SCAPER: variants seen among roughly 807,000 people sequenced by gnomAD.
The protein encoded by SCAPER is S-phase cyclin A associated protein in the ER.
Under a neutral mutation model 182.2 loss-of-function variants are expected in SCAPER, and 98 were observed. The ratio of observed to expected loss-of-function variants is 0.54; its 90% CI spans 0.46 to 0.64. SCAPER has a LOEUF of 0.64. SCAPER is among the 30% of genes least tolerant of loss of function. The pLI is 0.00. For missense variants in SCAPER, 1,432 were observed against 1,690.0 expected (o/e 0.85, Z 2.68); for synonymous variants, 605 against 564.6 (o/e 1.07, Z -1.01).
Position 76,701,913 on chromosome 15 carries a change from A to G in SCAPER, c.2401-48T>C, listed in dbSNP as rs952382359. The G allele has an allele frequency of 3.0e-6, 4 of 1,347,074 alleles. No individual in the cohort carries two copies. The African/African-American group carries it at 5.7e-5, about 19-fold the overall frequency. 83.4% of individuals were successfully genotyped at this position (1,347,074 alleles called of 1,614,324 possible). A position where few individuals can be genotyped will look rare whatever the true frequency, so the allele number is the denominator to read the frequency against. ...ATGTAATCAATATAACATTATATGA[A>G]TTTTAAACACTACACATTCAGTCCA... On this transcript the variant is annotated intron_variant, in intron 19 of 31. Coordinates refer to ENST00000563290, the MANE Select transcript of SCAPER (RefSeq NM_020843.4).
chr15:76,646,027 T>C (rs902731390), intron 21 of SCAPER, among the ~76,000 whole-genome samples: 3 of 152,172 alleles, frequency 2.0e-5, no homozygotes, highest in African/African-American at 7.2e-5. Context: ...AAATTGACGC[T>C]ATGTCAATTC....
intron 10 of SCAPER, 21 bp from the exon 11 acceptor site, chr15:76,767,109 A>T: frequency 6.5e-7 from 1 of 1,538,600 alleles, no homozygotes; most frequent in Non-Finnish European, 8.7e-7. Flanking sequence ...AAAAACACAT[A>T]AACAAAAAGA....
chr15:76,555,034 G>T (rs2046090281), intron 23 of SCAPER, among the ~76,000 whole-genome samples: 1 of 151,984 alleles, frequency 6.6e-6, no homozygotes, highest in South Asian at 2.1e-4. Context: ...ATCCACCTTG[G>T]CCTCCCAAAG....
chr15:76,679,176 T>C (rs1335336935), intron 20 of SCAPER, among the ~76,000 whole-genome samples: 1 of 152,184 alleles, frequency 6.6e-6, no homozygotes, highest in Non-Finnish European at 1.5e-5. Context: ...ACTTAATTCA[T>C]ATAAAAATGA....
At chr15:76,369,406 T>G (rs1046395733) in intron 29 of SCAPER, among the ~76,000 whole-genome samples, 2 of 152,354 alleles carry the variant, frequency 1.3e-5, no homozygotes, top group Admixed American at 1.3e-4. Context: ...GCGAAACAGA[T>G]TCACTTCTTA....
At chr15:76,721,509 C>T (rs1369759401) in intron 17 of SCAPER, among the ~76,000 whole-genome samples, 2 of 151,906 alleles carry the variant, frequency 1.3e-5, no homozygotes, top group African/African-American at 2.4e-5. Context: ...CTATAAATTA[C>T]CTTGGGCAGT....
intron 15 of SCAPER, among the ~76,000 whole-genome samples, chr15:76,733,850 T>C (rs2061074227): frequency 6.6e-6 from 1 of 151,988 alleles, no homozygotes; most frequent in South Asian, 2.1e-4. Flanking sequence ...ATGAAGGAAT[T>C]ATTGGTCTTT....
intron 24 of SCAPER, among the ~76,000 whole-genome samples, chr15:76,503,893 T>G (rs2041354258): frequency 6.6e-6 from 1 of 152,180 alleles, no homozygotes; most frequent in Non-Finnish European, 1.5e-5. Context: ...TACTTTTTTT[T>G]TTTTCTTTTT....
At chr15:76,693,174 T>C (rs975587009) in intron 20 of SCAPER, among the ~76,000 whole-genome samples, 1 of 152,162 alleles carries the variant, frequency 6.6e-6, no homozygotes, top group Admixed American at 6.5e-5. Context: ...CCAAGACATT[T>C]AGAAATTTAG....
chr15:76,376,948 G>A (rs1390687898), intron 28 of SCAPER, among the ~76,000 whole-genome samples: 2 of 152,136 alleles, frequency 1.3e-5, no homozygotes, highest in Non-Finnish European at 2.9e-5. Flanking sequence ...GGCGGTGGGC[G>A]ACTCAAGAAG....
intron 2 of SCAPER, among the ~76,000 whole-genome samples, chr15:76,876,639 A>G (rs1356583360): frequency 6.6e-6 from 1 of 152,166 alleles, no homozygotes; most frequent in Non-Finnish European, 1.5e-5. Flanking sequence ...TATTAACAAC[A>G]TAAAGGAGAA....
chr15:76,545,279 T>G (rs530950384), intron 23 of SCAPER, among the ~76,000 whole-genome samples: 1 of 152,290 alleles, frequency 6.6e-6, no homozygotes, highest in African/African-American at 2.4e-5. Flanking sequence ...ACTCAGCACT[T>G]CATAACTTCC....
chr15:76,795,228 T>A (rs1176765124), intron 8 of SCAPER, 52 bp downstream of exon 8: 1 of 1,498,454 alleles, frequency 6.7e-7, no homozygotes, highest in Non-Finnish European at 9.1e-7. Context: ...AATAAGTATC[T>A]CTATATATCC....
intron 5 of SCAPER, among the ~76,000 whole-genome samples, chr15:76,817,750 C>G (rs2067203559): frequency 6.6e-6 from 1 of 151,874 alleles, no homozygotes; most frequent in South Asian, 2.1e-4. Flanking sequence ...ATATGAAATA[C>G]TTAGGTATAA....
rs564456194 is a variant in SCAPER, at chr15:76,768,368, C to CA, written c.1249-1281dup. Among the ~76,000 whole-genome samples, 10 of 152,130 alleles carry CA rather than the reference C, an allele frequency of 6.6e-5. 2 individuals carry two copies. The South Asian group carries it at 2.1e-3, about 32-fold the overall frequency. On this transcript the variant is annotated intron_variant, in intron 10 of 31. Coordinates refer to ENST00000563290, the MANE Select transcript of SCAPER (RefSeq NM_020843.4). The stretch of plus-strand genomic sequence containing the variant: ...TTCAGTGGACTATACTATTTGATCA[C>CA]AAAAAAGAACAAAGTACTGAGACAA...
At chr15:76,440,757 C>T (rs1236743055) in intron 25 of SCAPER, among the ~76,000 whole-genome samples, 3 of 152,052 alleles carry the variant, frequency 2.0e-5, no homozygotes, top group East Asian at 1.9e-4. Flanking sequence ...ATTTATAAAA[C>T]GTGTATGCCC....
At chr15:76,712,713 G>C (rs280002) in intron 17 of SCAPER, among the ~76,000 whole-genome samples, 2 of 151,762 alleles carry the variant, frequency 1.3e-5, no homozygotes, top group South Asian at 4.2e-4. Flanking sequence ...GTGAATGGGA[G>C]TTCACTCATG....
At chr15:76,356,100 A>G (rs1036458386) in intron 29 of SCAPER, among the ~76,000 whole-genome samples, 16 of 152,150 alleles carry the variant, frequency 1.1e-4, no homozygotes, top group African/African-American at 3.9e-4. Context: ...TGGGACATCT[A>G]GTCTATGCTG....
chr15:76,568,070 A>T (rs2047169392), intron 23 of SCAPER, among the ~76,000 whole-genome samples: 1 of 151,848 alleles, frequency 6.6e-6, no homozygotes. Flanking sequence ...TTTAAAAAAC[A>T]AGGATATTGA....
Sources: allele counts gnomAD v4.1 joint callset (sites outside exome capture counted in the v4.1 genomes callset), GRCh38; gene constraint gnomAD v4.1.1; transcripts MANE v1.5; gene names NCBI Gene and HGNC (gene_info 2026-07-23, HGNC 2026-07-21).